Variants in ZPR1 observed in about 807,000 individuals in gnomAD.
ZPR1 encodes ZPR1 zinc finger.
A neutral mutation model predicts 59.6 loss-of-function variants in ZPR1; 37 were observed. The ratio of observed to expected loss-of-function variants is 0.62; its 90% CI spans 0.48 to 0.82. The LOEUF (loss-of-function observed/expected upper bound fraction) is 0.82, where lower values mean the gene tolerates loss of function less well. ZPR1 is among the 40% of genes least tolerant of loss of function. The pLI, the probability that ZPR1 is intolerant of heterozygous loss-of-function variation, is 0.00. For missense variants in ZPR1, 527 were observed against 579.9 expected, an observed-to-expected ratio of 0.91 and a Z score of 0.94; for synonymous variants, 191 against 215.2, an observed-to-expected ratio of 0.89 and a Z score of 0.99.
Position 116,787,652 on chromosome 11 carries a change from G to C in ZPR1, c.172-9C>G. ...AGGAGGCGCGTCATGCCCTGGTGAAGTAGAAAGTAGCTAAGGAAAAAAATC... is the reference window on the plus strand; with the variant it reads ...AGGAGGCGCGTCATGCCCTGGTGAACTAGAAAGTAGCTAAGGAAAAAAATC... On this transcript the variant is annotated splice_polypyrimidine_tract_variant and intron_variant, in intron 1 of 13. Coordinates refer to ENST00000227322, the MANE Select transcript of ZPR1 (RefSeq NM_003904.5). The C allele has an allele frequency of 6.2e-7, 1 of 1,603,498 alleles. No individual in the cohort carries two copies. Among genetic ancestry groups the C allele is most frequent in the Non-Finnish European group, 8.5e-7 (1 of 1,171,348 alleles).
Position 116,778,188 on chromosome 11 carries a change from G to A in ZPR1, c.*737C>T, listed in dbSNP as rs537331661. 3 of 152,330 alleles carry A rather than the reference G, an allele frequency of 2.0e-5. No homozygotes were observed. Among genetic ancestry groups the A allele is most frequent in the African/African-American group, 7.2e-5 (3 of 41,548 alleles). 9.4% of individuals were successfully genotyped at this position (152,330 alleles called of 1,614,324 possible). On this transcript the variant is annotated 3_prime_UTR_variant, in exon 14 of 14. Transcript: ENST00000227322. Reference sequence around the variant, plus strand: ...TCCATGACACTAATCACCATCTGATGTACTGTTTTCCTGATCTGTTTATTG... The same window carrying A: ...TCCATGACACTAATCACCATCTGATATACTGTTTTCCTGATCTGTTTATTG...
At chr11:116,779,095 G>A in intron 13 of ZPR1, 36 bp from the exon 14 acceptor site, 1 of 1,609,030 alleles carries the variant, frequency 6.2e-7, no homozygotes, top group Non-Finnish European at 8.5e-7. Context: ...GTGCCGCTGT[G>A]CCACTCCCCC....
chr11:116,783,098 C>T, intron 10 of ZPR1, 69 bp from the exon 11 acceptor site: 2 of 1,129,764 alleles, frequency 1.8e-6, no homozygotes, highest in Non-Finnish European at 2.7e-6. Context: ...GCCTCCTGCC[C>T]AATTAATACC....
chr11:116,786,228 A>G (rs1380253657), intron 4 of ZPR1, among the ~76,000 whole-genome samples: 1 of 152,258 alleles, frequency 6.6e-6, no homozygotes, highest in Non-Finnish European at 1.5e-5. Context: ...CATAATAAAT[A>G]TAAGATGCAG....
intron 13 of ZPR1, 46 bp from the exon 14 acceptor site, chr11:116,779,105 C>A (rs763443277): frequency 1.2e-6 from 2 of 1,605,490 alleles, no homozygotes; most frequent in Non-Finnish European, 1.7e-6. Context: ...GCCACTCCCC[C>A]TCTCTGCAGG....
Position 116,778,888 on chromosome 11 carries a change from G to C in ZPR1, c.*37C>G, listed in dbSNP as rs1940758750. On this transcript the variant is annotated 3_prime_UTR_variant, in exon 14 of 14. Coordinates refer to ENST00000227322, the MANE Select transcript of ZPR1 (RefSeq NM_003904.5). Reference sequence around the variant, plus strand: ...AATACTAATAAATAACCTACAGAAAGAGCAGCGCTGGAGGCTGGCCCTTGA... The same window carrying C: ...AATACTAATAAATAACCTACAGAAACAGCAGCGCTGGAGGCTGGCCCTTGA... 4 of 1,605,446 alleles carry C rather than the reference G, an allele frequency of 2.5e-6. No individual in the cohort carries two copies. The highest frequency in any genetic ancestry group is 1.3e-5 in the African/African-American group (1 of 74,572).
At chr11:116,785,169 C>T (rs1162349918) in intron 6 of ZPR1, 23 bp from the exon 7 acceptor site, 2 of 1,613,450 alleles carry the variant, frequency 1.2e-6, no homozygotes, top group East Asian at 2.2e-5. Context: ...AGATGCAGGT[C>T]GCAAGTTGGC....
Position 116,787,965 on chromosome 11 carries a change from G to A in ZPR1, c.26C>T (p.Pro9Leu), listed in dbSNP as rs1274317812. 21 of 1,451,820 alleles carry A rather than the reference G, an allele frequency of 1.4e-5. No homozygotes were observed. Among genetic ancestry groups the A allele is most frequent in the Non-Finnish European group, 1.8e-5 (20 of 1,113,836 alleles). The allele number at this position is 1,451,820 out of a possible 1,614,324, so 89.9% of individuals were successfully genotyped here. A position where few individuals can be genotyped will look rare whatever the true frequency, so the allele number is the denominator to read the frequency against. Residue 9 changes from proline (P) to leucine (L), a missense_variant, in exon 1 of 14, where the codon CCA (proline) becomes CTA (leucine). Pro to Leu is a moderately conservative substitution (Grantham distance 98). Coordinates refer to ENST00000227322, the MANE Select transcript of ZPR1 (RefSeq NM_003904.5). The part of the protein sequence containing the change: MAASGAVE[P>L]GPPGAAVAPS... The stretch of plus-strand genomic sequence containing the variant: ...GGCGACGGCAGCCCCCGGGGGCCCT[G>A]GTTCCACAGCCCCGCTGGCCGCCAT...
chr11:116,784,329 G>A, intron 9 of ZPR1, 49 bp downstream of exon 9: 1 of 1,587,414 alleles, frequency 6.3e-7, no homozygotes, highest in Non-Finnish European at 8.6e-7. Context: ...TAGTTAAAAG[G>A]GGGTTACCCT....
chr11:116,779,431 G>A (rs1940770838), intron 13 of ZPR1, among the ~76,000 whole-genome samples: 1 of 152,074 alleles, frequency 6.6e-6, no homozygotes, highest in Admixed American at 6.5e-5. Flanking sequence ...TCAACTTAAA[G>A]CCTATCAGTT....
intron 10 of ZPR1, 142 bp downstream of exon 10, chr11:116,783,388 T>C: frequency 1.5e-6 from 1 of 687,628 alleles, no homozygotes; most frequent in Non-Finnish European, 2.5e-6. Flanking sequence ...ATTAACTCCC[T>C]CTGCTCAGGG....
Position 116,784,444 on chromosome 11 carries a change from G to C in ZPR1, c.825C>G (p.Ile275Met). 6.2e-7 allele frequency: 1 copy of C among 1,614,136 alleles called. No homozygotes were observed. The highest frequency in any genetic ancestry group is 1.1e-5 in the South Asian group (1 of 91,086). The change falls in exon 9 of 14, where the codon ATC (isoleucine) becomes ATG (methionine). Residue 275 changes from isoleucine to methionine, a missense_variant. By Grantham distance (10) the Ile-to-Met change is conservative. Coordinates refer to ENST00000227322, the MANE Select transcript of ZPR1 (RefSeq NM_003904.5). ...PAQTNMKLVQ[I>M]PHFKEVIIMA... ...TGATGATAACCTCCTTAAAGTGAGGGATTTCTGGAAAACGGAGTTAAGGAA... is the reference window on the plus strand; with the variant it reads ...TGATGATAACCTCCTTAAAGTGAGGCATTTCTGGAAAACGGAGTTAAGGAA...
intron 9 of ZPR1, among the ~76,000 whole-genome samples, chr11:116,784,029 C>T (rs562775669): frequency 4.5e-4 from 69 of 152,258 alleles, no homozygotes; most frequent in Middle Eastern, 3.4e-3. Context: ...ATTTATAATT[C>T]TCTAAGGCAG....
rs550924069 is a variant in ZPR1, at chr11:116,779,543, A to G, written c.1245+229T>C. On this transcript the variant is annotated intron_variant, in intron 13 of 13. Coordinates refer to ENST00000227322, the MANE Select transcript of ZPR1 (RefSeq NM_003904.5). ...TGGGACAAGAGCTTGACTACAGAAA[A>G]AAAAGGGGCCTCAGAGTATCCTTTT... Among the ~76,000 whole-genome samples, 4 of 152,206 alleles carry G rather than the reference A, an allele frequency of 2.6e-5. No individual in the cohort carries two copies. In the East Asian group the frequency reaches 7.7e-4, roughly 29 times the overall value.
chr11:116,779,867 AT>A, intron 12 of ZPR1, 30 bp from the exon 13 acceptor site: 3 of 1,266,044 alleles, frequency 2.4e-6, no homozygotes, highest in African/African-American at 1.5e-5. Context: ...CAGCAAGTAA[AT>A]TTTACATAAC....
chr11:116,778,785 C>G lies in ZPR1; in HGVS notation c.*140G>C, dbSNP rs1940756462. 1 of 1,060,548 alleles carries G rather than the reference C, an allele frequency of 9.4e-7. No homozygotes were observed. Among genetic ancestry groups the G allele is most frequent in the African/African-American group, 1.6e-5 (1 of 62,820 alleles). 65.7% of individuals were successfully genotyped at this position (1,060,548 alleles called of 1,614,324 possible). A position where few individuals can be genotyped will look rare whatever the true frequency, so the allele number is the denominator to read the frequency against. On this transcript the variant is annotated 3_prime_UTR_variant, in exon 14 of 14. Coordinates refer to ENST00000227322, the MANE Select transcript of ZPR1 (RefSeq NM_003904.5). The stretch of plus-strand genomic sequence containing the variant: ...AGCTGTTTAGAAAGTGTGCACAGAT[C>G]TCTGACTCAGACCAGATGTCCTCCC...
At chr11:116,784,956 C>G (rs767051584) in intron 7 of ZPR1, 35 bp from the exon 8 acceptor site, 1 of 1,612,972 alleles carries the variant, frequency 6.2e-7, no homozygotes, top group Non-Finnish European at 8.5e-7. Context: ...GGTGAGCCCT[C>G]CCAGATGGGA....
Position 116,782,999 on chromosome 11 carries a change from G to A in ZPR1, c.1012C>T (p.Leu338=), listed in dbSNP as rs748685608. The change falls in exon 11 of 14, where the codon CTA becomes TTA. Residue 338 remains leucine (L), a synonymous_variant. Coordinates refer to ENST00000227322, the MANE Select transcript of ZPR1 (RefSeq NM_003904.5). Reference sequence around the variant, plus strand: ...ACTGCCATTCCCAGTTCAAATTCTAGCTCTGGGATTTCCACACTGCAAGTC... The same window carrying A: ...ACTGCCATTCCCAGTTCAAATTCTAACTCTGGGATTTCCACACTGCAAGTC... ...SETCSVEIPE[L]EFELGMAVLG... 1 of 1,614,166 alleles carries A rather than the reference G, an allele frequency of 6.2e-7. No individual in the cohort carries two copies. The highest frequency in any genetic ancestry group is 1.1e-5 in the South Asian group (1 of 91,084).
Position 116,782,972 on chromosome 11 carries a change from G to A in ZPR1, c.1039C>T (p.Leu347Phe), listed in dbSNP as rs1007881153. 3.1e-6 allele frequency: 5 copies of A among 1,614,178 alleles called. No homozygotes were observed. Among genetic ancestry groups the A allele is most frequent in the Non-Finnish European group, 4.2e-6 (5 of 1,180,032 alleles). The change falls in exon 11 of 14, where the codon CTC becomes TTC. Residue 347 changes from leucine to phenylalanine, a missense_variant. Transcript: ENST00000227322. The part of the protein sequence containing the change: ...ELEFELGMAV[L>F]GGKFTTLEGL... ...TCCAGTGTGGTGAACTTGCCCCCGA[G>A]GACTGCCATTCCCAGTTCAAATTCT...
Sources: gnomAD v4.1 joint callset for allele counts (sites outside exome capture counted in the v4.1 genomes callset) on GRCh38, gnomAD v4.1.1 for gene constraint, MANE v1.5 for transcripts, NCBI Gene and HGNC (gene_info 2026-07-23, HGNC 2026-07-21) for gene names.